VSTM2A: variants seen among roughly 807,000 people sequenced by gnomAD.
VSTM2A encodes the protein V-set and transmembrane domain-containing protein 2A.
In VSTM2A, 13 loss-of-function variants were observed where a neutral mutation model predicts 27.3. The ratio of observed to expected loss-of-function variants is 0.48; its 90% confidence interval spans 0.31 to 0.76. VSTM2A has a LOEUF of 0.76. VSTM2A is among the 30% of genes least tolerant of loss of function. The pLI is 0.05. For missense variants in VSTM2A, 280 were observed against 310.0 expected, an observed-to-expected ratio of 0.90 and a Z score of 0.73; for synonymous variants, 142 against 125.7, an observed-to-expected ratio of 1.13 and a Z score of -0.87.
chr7:54,555,039 T>C (rs1360649367), intron 4 of VSTM2A, among the ~76,000 whole-genome samples: 1 of 152,214 alleles, frequency 6.6e-6, no homozygotes, highest in Non-Finnish European at 1.5e-5. Flanking sequence ...TCCCAAACTC[T>C]TTTAATAGCA....
intron 4 of VSTM2A, among the ~76,000 whole-genome samples, chr7:54,560,871 A>G (rs1261358754): frequency 6.6e-6 from 1 of 152,216 alleles, no homozygotes; most frequent in African/African-American, 2.4e-5. Context: ...TTAAAATGTA[A>G]AGGTATCAAG....
intron 4 of VSTM2A, 43 bp from the exon 5 acceptor site, chr7:54,569,088 T>C (rs1334181153): frequency 6.2e-7 from 1 of 1,602,336 alleles, no homozygotes; most frequent in Admixed American, 1.7e-5. Context: ...TGCTTTAATC[T>C]AAAGTGCTGA....
chr7:54,542,801 C>G lies in VSTM2A; in HGVS notation c.71C>G (p.Ser24Cys). Residue 24 changes from serine to cysteine, a missense_variant, in exon 1 of 5, where the codon TCT (serine) becomes TGT (cysteine). Transcript: ENST00000402613. Reference sequence around the variant, plus strand: ...GTTTTATATGTACAACAAGGGCTTTCTTCTCAAGGTAAGTCTTGCTCAATG... The same window carrying G: ...GTTTTATATGTACAACAAGGGCTTTGTTCTCAAGGTAAGTCTTGCTCAATG... ...FSVLYVQQGL[S>C]SQAKFTEFPR... The G allele has an allele frequency of 6.2e-7, 1 of 1,613,664 alleles. No individual in the cohort carries two copies. Among genetic ancestry groups the G allele is most frequent in the Non-Finnish European group, 8.5e-7 (1 of 1,179,734 alleles).
intron 4 of VSTM2A, chr7:54,560,021 G>A (rs544075031): frequency 1.3e-5 from 2 of 151,904 alleles, no homozygotes; most frequent in African/African-American, 2.4e-5. Context: ...TATAACTTTT[G>A]TACAATGATA....
intron 4 of VSTM2A, chr7:54,557,043 C>T (rs1788383843): frequency 6.6e-6 from 1 of 152,234 alleles, no homozygotes; most frequent in East Asian, 1.9e-4. Flanking sequence ...AGAAAGGCTT[C>T]ACTCTGTTGG....
Position 54,569,178 on chromosome 7 carries a change from A to T in VSTM2A, c.682A>T (p.Thr228Ser). 6.4e-7 allele frequency: 1 copy of T among 1,551,882 alleles called. No homozygotes were observed. Among genetic ancestry groups the T allele is most frequent in the Non-Finnish European group, 8.7e-7 (1 of 1,147,048 alleles). The part of the protein sequence containing the change: ...VKSTERTAKL[T>S]LNSKHHPAPT... ...ATCTACGGAGCGGACAGCAAAGTTG[A>T]CCCTAAACTCCAAGCACCACCCTGC... The change falls in exon 5 of 5, where the codon ACC becomes TCC. Residue 228 changes from threonine to serine, a missense_variant. Thr to Ser is a moderately conservative substitution (Grantham distance 58, BLOSUM62 1). Transcript: ENST00000402613.
At chr7:54,559,711 C>T (rs1017664404) in intron 4 of VSTM2A, 1 of 152,014 alleles carries the variant, frequency 6.6e-6, no homozygotes, top group African/African-American at 2.4e-5. Context: ...TTTTCATACA[C>T]CTGGAAATAC....
intron 2 of VSTM2A, 51 bp from the exon 3 acceptor site, chr7:54,546,896 G>C: frequency 6.3e-7 from 1 of 1,592,182 alleles, no homozygotes; most frequent in Non-Finnish European, 8.5e-7. Flanking sequence ...CGTGGGAGCG[G>C]GTGGTCGGGC....
At chr7:54,561,457 A>T (rs768641701) in intron 4 of VSTM2A, among the ~76,000 whole-genome samples, 2 of 152,212 alleles carry the variant, frequency 1.3e-5, no homozygotes, top group Non-Finnish European at 2.9e-5. Flanking sequence ...ACCATCCTTC[A>T]TTATGTATTT....
intron 4 of VSTM2A, among the ~76,000 whole-genome samples, chr7:54,560,778 A>G (rs570366174): frequency 3.5e-4 from 53 of 152,302 alleles, no homozygotes; most frequent in Non-Finnish European, 5.9e-4. Flanking sequence ...AATTTTAAAG[A>G]TGAAATTAAG....
intron 2 of VSTM2A, chr7:54,546,718 GA>G: frequency 2.0e-6 from 1 of 510,364 alleles, no homozygotes; most frequent in Non-Finnish European, 3.4e-6. Flanking sequence ...CAGCCCCGGG[GA>G]AAGCGCGGGG....
chr7:54,552,670 T>C (rs1410628205), intron 4 of VSTM2A: 4 of 152,242 alleles, frequency 2.6e-5, no homozygotes, highest in Non-Finnish European at 1.5e-5. Flanking sequence ...GAAAACAAAA[T>C]ATTTGTACAT....
intron 1 of VSTM2A, 144 bp downstream of exon 1, chr7:54,542,953 AT>A (rs770183881): frequency 1.2e-5 from 9 of 769,436 alleles, no homozygotes; most frequent in African/African-American, 1.7e-5. Flanking sequence ...CTGTTTGACG[AT>A]TTTTTTTAAA....
chr7:54,565,406 G>A (rs79893323), intron 4 of VSTM2A, among the ~76,000 whole-genome samples: 7,165 of 152,276 alleles, frequency 0.047, 437 homozygotes, highest in African/African-American at 0.13. Context: ...GTGGGCACGC[G>A]GAGGGATGCA....
intron 4 of VSTM2A, chr7:54,556,837 TG>T (rs1788376625): frequency 6.6e-6 from 1 of 152,214 alleles, no homozygotes; most frequent in African/African-American, 2.4e-5. Flanking sequence ...CAAGGTTGGA[TG>T]GGTTTTTCCA....
chr7:54,544,099 T>G (rs1787866921), intron 1 of VSTM2A, among the ~76,000 whole-genome samples: 1 of 152,242 alleles, frequency 6.6e-6, no homozygotes, highest in South Asian at 2.1e-4. Flanking sequence ...TGCAACTTGT[T>G]TCACTGCTGC....
intron 4 of VSTM2A, among the ~76,000 whole-genome samples, chr7:54,556,011 T>C (rs1278142094): frequency 1.3e-5 from 2 of 152,212 alleles, no homozygotes; most frequent in African/African-American, 2.4e-5. Flanking sequence ...AAAAGAATCA[T>C]TGGCTTTTTG....
intron 4 of VSTM2A, among the ~76,000 whole-genome samples, chr7:54,564,688 A>G (rs1216122613): frequency 2.0e-5 from 3 of 152,182 alleles, no homozygotes; most frequent in African/African-American, 4.8e-5. Flanking sequence ...TGACCCATCA[A>G]TGTAAACTTT....
chr7:54,565,898 T>C (rs1788705779), intron 4 of VSTM2A, among the ~76,000 whole-genome samples: 1 of 152,234 alleles, frequency 6.6e-6, no homozygotes, highest in African/African-American at 2.4e-5. Flanking sequence ...TGAGAAATGC[T>C]TGCCTGATGC....
Sources: allele counts gnomAD v4.1 joint callset (sites outside exome capture counted in the v4.1 genomes callset), GRCh38; gene constraint gnomAD v4.1.1; transcripts MANE v1.5; gene names NCBI Gene and HGNC (gene_info 2026-07-23, HGNC 2026-07-21).